The following IPO7 variants were observed in gnomAD, a reference collection of about 807,000 sequenced individuals.
IPO7 encodes importin-7.
A neutral mutation model predicts 136.4 loss-of-function variants in IPO7; 13 were observed. The ratio of observed to expected loss-of-function variants is 0.10; its 90% CI spans 0.06 to 0.15. The LOEUF is 0.15. Among genes scored for constraint, IPO7 ranks in the 10% least tolerant of loss-of-function variants. The pLI, the probability that IPO7 is intolerant of heterozygous loss-of-function variation, is 1.00. For synonymous variants in IPO7, 403 were observed against 404.4 expected (o/e 1.00, Z 0.04); for missense variants, 857 against 1,240.6 (o/e 0.69, Z 4.65).
intron 8 of IPO7, among the ~76,000 whole-genome samples, chr11:9,421,356 T>C (rs900910875): frequency 1.4e-4 from 21 of 151,730 alleles, no homozygotes; most frequent in Admixed American, 2.6e-4. Flanking sequence ...TTATTCATTT[T>C]TGAGAATATA....
intron 1 of IPO7, among the ~76,000 whole-genome samples, chr11:9,397,341 A>AAATATATATATATATATATATATAT: frequency 2.8e-4 from 3 of 10,758 alleles, no homozygotes; most frequent in African/African-American, 7.5e-4. Context: ...TTTAAAAAAA[A>AAATATATATATATATATATATATAT]ATATATATAT....
In IPO7 at chr11:9,423,133, A is replaced by G; in HGVS notation, c.1034A>G (p.His345Arg). Residue 345 changes from histidine to arginine, a missense_variant, in exon 9 of 25, where the codon CAT (histidine) becomes CGT (arginine). Physicochemically the swap from His to Arg is conservative, Grantham distance 29. Around this residue, in one of 11 missense-constraint regions of IPO7, gnomAD observed 127 missense variants for 222.4 expected, o/e 0.57. Coordinates refer to ENST00000379719, the MANE Select transcript of IPO7 (RefSeq NM_006391.3). ...CTCACCTGGAAGAATCTGAAGCCCC[A>G]TATACAAGTAATAATTTTTATCTGA... ...HALTWKNLKP[H>R]IQGIIQDVIF... is the part of the protein sequence containing the mutation. The G allele has an allele frequency of 6.5e-7, 1 of 1,546,624 alleles. No individual in the cohort carries two copies. The highest frequency in any genetic ancestry group is 8.8e-7 in the Non-Finnish European group (1 of 1,137,576).
intron 1 of IPO7, among the ~76,000 whole-genome samples, chr11:9,394,868 G>C (rs1854687035): frequency 3.3e-5 from 5 of 152,150 alleles, no homozygotes; most frequent in Admixed American, 3.3e-4. Flanking sequence ...AATTATCTGG[G>C]TTGATGACAG....
At chr11:9,426,642 A>G (rs1347607557) in intron 12 of IPO7, among the ~76,000 whole-genome samples, 1 of 152,212 alleles carries the variant, frequency 6.6e-6, no homozygotes, top group Non-Finnish European at 1.5e-5. Flanking sequence ...GTGAACGTGA[A>G]GCATTATGTC....
At chr11:9,399,150 A>G (rs1023045641) in intron 1 of IPO7, among the ~76,000 whole-genome samples, 2 of 151,592 alleles carry the variant, frequency 1.3e-5, no homozygotes, top group Non-Finnish European at 2.9e-5. Context: ...GTTCATGGGA[A>G]TGGAGAAAAT....
At chr11:9,397,431 A>G (rs1318232422) in intron 1 of IPO7, among the ~76,000 whole-genome samples, 3 of 143,314 alleles carry the variant, frequency 2.1e-5, no homozygotes, top group Admixed American at 7.3e-5. Context: ...GCATCTTGCT[A>G]TGTTGCTCAG....
chr11:9,426,577 T>C (rs1855211923), intron 12 of IPO7, among the ~76,000 whole-genome samples: 1 of 152,216 alleles, frequency 6.6e-6, no homozygotes. Context: ...TTTTCCAACG[T>C]AGCTATACCA....
intron 1 of IPO7, among the ~76,000 whole-genome samples, chr11:9,385,316 T>C (rs1257805595): frequency 6.6e-6 from 1 of 152,196 alleles, no homozygotes; most frequent in African/African-American, 2.4e-5. Flanking sequence ...GTCATCCTTG[T>C]CACTTTGCTG....
At chr11:9,408,379 C>A in intron 2 of IPO7, 107 bp from the exon 3 acceptor site, 1 of 596,046 alleles carries the variant, frequency 1.7e-6, no homozygotes, top group Non-Finnish European at 2.6e-6. Context: ...GAAAGCATAG[C>A]TTTACAAACG....
At chr11:9,388,302 C>T (rs1854580680) in intron 1 of IPO7, among the ~76,000 whole-genome samples, 2 of 151,098 alleles carry the variant, frequency 1.3e-5, no homozygotes, top group South Asian at 4.2e-4. Context: ...CTCAGCCTCC[C>T]AAGTAGCTGG....
At chr11:9,428,423 GAA>G in intron 12 of IPO7, 115 bp from the exon 13 acceptor site, 2 of 485,442 alleles carry the variant, frequency 4.1e-6, no homozygotes, top group Non-Finnish European at 7.4e-6. Context: ...GGGGTTCAAA[GAA>G]TGAGAATAAA....
intron 20 of IPO7, among the ~76,000 whole-genome samples, chr11:9,437,419 T>A (rs2133764026): frequency 6.8e-6 from 1 of 146,452 alleles, no homozygotes; most frequent in East Asian, 2.0e-4. Context: ...CACGCCTGGC[T>A]AATTTTTTGT....
chr11:9,443,009 C>T (rs971690005), intron 24 of IPO7, among the ~76,000 whole-genome samples: 3 of 151,502 alleles, frequency 2.0e-5, no homozygotes, highest in Admixed American at 6.6e-5. Context: ...GGCAACAGAA[C>T]GAGACTCCAT....
intron 1 of IPO7, among the ~76,000 whole-genome samples, chr11:9,398,878 T>G (rs182953635): frequency 6.6e-6 from 1 of 152,302 alleles, no homozygotes; most frequent in East Asian, 1.9e-4. Context: ...GTTTCTTTCT[T>G]GTTGAAAGAA....
intron 5 of IPO7, among the ~76,000 whole-genome samples, chr11:9,415,870 G>A (rs971605644): frequency 4.0e-4 from 61 of 151,976 alleles, no homozygotes; most frequent in African/African-American, 1.4e-3. Context: ...AAAAGAAATG[G>A]TTGGGTCAGT....
intron 13 of IPO7, 146 bp downstream of exon 13, chr11:9,428,775 T>C: frequency 5.1e-6 from 4 of 785,630 alleles, no homozygotes; most frequent in Non-Finnish European, 9.4e-6. Context: ...ACATGGCTGC[T>C]GTAATGTGTG....
intron 2 of IPO7, among the ~76,000 whole-genome samples, chr11:9,405,081 A>G (rs1437435411): frequency 6.6e-6 from 1 of 152,070 alleles, no homozygotes; most frequent in Non-Finnish European, 1.5e-5. Flanking sequence ...AATAACCTGG[A>G]CTCTGCTAGG....
intron 1 of IPO7, among the ~76,000 whole-genome samples, chr11:9,394,153 A>T (rs1403510550): frequency 1.3e-5 from 2 of 152,202 alleles, no homozygotes; most frequent in African/African-American, 2.4e-5. Flanking sequence ...CTGGGATTGC[A>T]GGCGTGAACC....
chr11:9,388,757 A>G (rs1487079063), intron 1 of IPO7, among the ~76,000 whole-genome samples: 1 of 151,920 alleles, frequency 6.6e-6, no homozygotes, highest in Non-Finnish European at 1.5e-5. Flanking sequence ...AGTGGGCTCC[A>G]CTGCACTACA....
Sources: allele counts gnomAD v4.1 joint callset (sites outside exome capture counted in the v4.1 genomes callset), GRCh38; gene constraint gnomAD v4.1.1; regional missense constraint gnomAD v4.1.1; transcripts MANE v1.5; gene names NCBI Gene and HGNC (gene_info 2026-07-23, HGNC 2026-07-21).